HECTD4: variants seen among roughly 807,000 people sequenced by gnomAD.
The protein encoded by HECTD4 is probable E3 ubiquitin-protein ligase HECTD4.
HECTD4 carries 114 observed loss-of-function variants against 471.5 expected under a neutral mutation model. That is an observed-to-expected ratio of 0.24 (90% confidence interval 0.21 to 0.28). HECTD4 has a LOEUF of 0.28. HECTD4 is among the 10% of genes least tolerant of loss of function. HECTD4 has a pLI of 1.00. For missense variants in HECTD4, 3,866 were observed against 5,651.5 expected (o/e 0.68, Z 10.13); for synonymous variants, 2,012 against 2,256.0 (o/e 0.89, Z 3.07).
At chr12:112,328,709 T>G (rs1447486890) in intron 1 of HECTD4, among the ~76,000 whole-genome samples, 2 of 152,250 alleles carry the variant, frequency 1.3e-5, no homozygotes, top group Non-Finnish European at 2.9e-5. Flanking sequence ...ACCCTGAAGC[T>G]GCACGACCTT....
chr12:112,336,223 A>C (rs2035955516), intron 1 of HECTD4, among the ~76,000 whole-genome samples: 1 of 152,184 alleles, frequency 6.6e-6, no homozygotes, highest in Non-Finnish European at 1.5e-5. Context: ...GCGGGAAAGA[A>C]TTATAGTTTA....
At chr12:112,200,880 C>A (rs1285474296) in intron 54 of HECTD4, 82 bp from the exon 55 acceptor site, 2 of 1,163,544 alleles carry the variant, frequency 1.7e-6, no homozygotes, top group Non-Finnish European at 2.4e-6. Flanking sequence ...TGTGTGCGTG[C>A]GTGCGTGTGT....
At chr12:112,364,667 T>G (rs1049542532) in intron 1 of HECTD4, among the ~76,000 whole-genome samples, 1 of 151,994 alleles carries the variant, frequency 6.6e-6, no homozygotes, top group African/African-American at 2.4e-5. Context: ...AGGTCCAGAC[T>G]GCAGTGAGCC....
chr12:112,181,961 G>C (rs11066191), intron 62 of HECTD4, among the ~76,000 whole-genome samples: 5 of 151,980 alleles, frequency 3.3e-5, no homozygotes, highest in African/African-American at 1.2e-4. Flanking sequence ...GTATGGCGGC[G>C]TGCACCTGTA....
chr12:112,287,133 T>C (rs2034770172), intron 7 of HECTD4, among the ~76,000 whole-genome samples: 1 of 152,206 alleles, frequency 6.6e-6, no homozygotes, highest in Non-Finnish European at 1.5e-5. Context: ...AAAGGCCTTA[T>C]GTGCCCCGCA....
rs2031731890 is a variant in HECTD4, at chr12:112,182,983, T to G, written c.10987+76A>C. 3.7e-6 allele frequency: 4 copies of G among 1,070,628 alleles called. No individual in the cohort carries two copies. In the East Asian group the frequency reaches 7.1e-5, roughly 19 times the overall value. The allele number at this position is 1,070,628 out of a possible 1,614,324, so 66.3% of individuals were successfully genotyped here. On this transcript the variant is annotated intron_variant, in intron 62 of 75. Coordinates refer to ENST00000682272, the MANE Select transcript of HECTD4 (RefSeq NM_001388303.1). The stretch of plus-strand genomic sequence containing the variant: ...GGATACTGGGGAGGGGAGGAGATTT[T>G]AATGCAGATTTTTTTCTGTGAGCCT...
chr12:112,206,093 C>T (rs1307137175), intron 52 of HECTD4, among the ~76,000 whole-genome samples: 1 of 152,130 alleles, frequency 6.6e-6, no homozygotes, highest in Non-Finnish European at 1.5e-5. Flanking sequence ...AATTAAATGT[C>T]CAAAGACCTG....
intron 9 of HECTD4, 77 bp from the exon 10 acceptor site, chr12:112,275,037 A>C: frequency 3.4e-6 from 3 of 878,738 alleles, no homozygotes; most frequent in Middle Eastern, 2.2e-4. Flanking sequence ...TTTTAACAAG[A>C]CTTTTATAAA....
chr12:112,246,297 G>C (rs1357307365), intron 29 of HECTD4, among the ~76,000 whole-genome samples: 2 of 152,046 alleles, frequency 1.3e-5, no homozygotes, highest in African/African-American at 2.4e-5. Flanking sequence ...TTATGATGTT[G>C]ACTAATTGTA....
At chr12:112,224,609 A>G (rs781575821) in intron 44 of HECTD4, among the ~76,000 whole-genome samples, 96 of 152,186 alleles carry the variant, frequency 6.3e-4, no homozygotes, top group African/African-American at 2.1e-3. Context: ...TAGAATACAA[A>G]TCAATACGCA....
At chr12:112,370,424 A>T (rs2036643720) in intron 1 of HECTD4, among the ~76,000 whole-genome samples, 1 of 152,244 alleles carries the variant, frequency 6.6e-6, no homozygotes, top group African/African-American at 2.4e-5. Context: ...TCAATAGGGA[A>T]TGTCTAAATA....
chr12:112,198,251 T>C (rs1419862971), intron 55 of HECTD4, among the ~76,000 whole-genome samples: 4 of 152,116 alleles, frequency 2.6e-5, no homozygotes, highest in African/African-American at 9.7e-5. Context: ...TCACCTTAGA[T>C]GGTGAGGGCA....
chr12:112,353,477 G>C (rs1172247042), intron 1 of HECTD4, among the ~76,000 whole-genome samples: 2 of 152,136 alleles, frequency 1.3e-5, no homozygotes, highest in Non-Finnish European at 2.9e-5. Flanking sequence ...TTTATATTTT[G>C]TAAAATGTGG....
intron 11 of HECTD4, among the ~76,000 whole-genome samples, chr12:112,271,284 T>A (rs1258758634): frequency 6.6e-6 from 1 of 152,182 alleles, no homozygotes; most frequent in Non-Finnish European, 1.5e-5. Context: ...AAGGACCAAG[T>A]CTACAAGTTC....
In HECTD4 at chr12:112,172,949, A is replaced by T; in HGVS notation, c.11595-88T>A. 3 of 1,142,140 alleles carry T rather than the reference A, an allele frequency of 2.6e-6. 1 individual carries two copies. The highest frequency in any genetic ancestry group is 1.3e-6 in the Non-Finnish European group (1 of 771,772). 70.8% of individuals were successfully genotyped at this position (1,142,140 alleles called of 1,614,324 possible). A position where few individuals can be genotyped will look rare whatever the true frequency, so the allele number is the denominator to read the frequency against. The stretch of plus-strand genomic sequence containing the variant: ...ATTTCTCTTACAGAGCCCTGTCCTC[A>T]GCTCCTGGAGCACATTCAGAAGACG... On this transcript the variant is annotated intron_variant, in intron 66 of 75. Transcript: ENST00000682272.
In HECTD4 at chr12:112,382,282, T is replaced by A; in HGVS notation, c.-154A>T. ...GCCCGTGCAACTCCGCCCTAGGCGG[T>A]CCGAGTCGCCATACCCCCGACCCCG... On this transcript the variant is annotated 5_prime_UTR_variant, in exon 1 of 76. Coordinates refer to ENST00000682272, the MANE Select transcript of HECTD4 (RefSeq NM_001388303.1). 1.6e-6 allele frequency: 1 copy of A among 618,984 alleles called. No individual in the cohort carries two copies. The highest frequency in any genetic ancestry group is 4.8e-5 in the Admixed American group (1 of 20,730). The allele number at this position is 618,984 out of a possible 1,614,324, so 38.3% of individuals were successfully genotyped here.
In HECTD4 at chr12:112,309,578, T is replaced by C; in HGVS notation, c.1008A>G (p.Gly336=). 1 of 1,498,978 alleles carries C rather than the reference T, an allele frequency of 6.7e-7. No homozygotes were observed. Among genetic ancestry groups the C allele is most frequent in the Non-Finnish European group, 9.0e-7 (1 of 1,112,332 alleles). The allele number at this position is 1,498,978 out of a possible 1,614,324, so 92.9% of individuals were successfully genotyped here. ...CAACTGACCTGAGAGTACCATGTAA[T>C]CCAGATCCCAATTTGCTTACTCCTC... is the stretch of plus-strand genomic sequence containing the variant. The part of the protein sequence containing the change: ...VGRGVSKLGS[G]LHGTLRGFVY... The change falls in exon 5 of 76, where the codon GGA becomes GGG. Residue 336 remains glycine, a synonymous_variant. Transcript: ENST00000682272.
At chr12:112,350,101 C>A (rs531420095) in intron 1 of HECTD4, among the ~76,000 whole-genome samples, 2 of 152,150 alleles carry the variant, frequency 1.3e-5, no homozygotes, top group African/African-American at 4.8e-5. Flanking sequence ...CCCACAGGCG[C>A]GCACCACCAT....
rs185315263 is a variant in HECTD4 at position 112,169,929 on chromosome 12, T to A, written c.12053-271A>T. The A allele has an allele frequency of 2.6e-3, 1,520 of 576,460 alleles. 5 individuals are homozygous for A. The highest frequency in any genetic ancestry group is 3.8e-3 in the Non-Finnish European group (1,236 of 321,604). The allele number at this position is 576,460 out of a possible 1,614,324, so 35.7% of individuals were successfully genotyped here. On this transcript the variant is annotated intron_variant, in intron 69 of 75. Coordinates refer to ENST00000682272, the MANE Select transcript of HECTD4 (RefSeq NM_001388303.1). ...GGCTTCCCTCTGCCTCTTGGGGAGG[T>A]CCTCGCCCCCCAACTCCTCTCTCGT... is the stretch of plus-strand genomic sequence containing the variant.
Sources: gnomAD v4.1 joint callset for allele counts (sites outside exome capture counted in the v4.1 genomes callset) on GRCh38, gnomAD v4.1.1 for gene constraint, MANE v1.5 for transcripts, NCBI Gene and HGNC (gene_info 2026-07-23, HGNC 2026-07-21) for gene names.